The following EYS variants were observed in gnomAD, a reference collection of about 807,000 sequenced individuals.
The protein encoded by EYS is protein eyes shut homolog.
Under a neutral mutation model 282.1 loss-of-function variants are expected in EYS, and 250 were observed. The ratio of observed to expected loss-of-function variants is 0.89; its 90% CI spans 0.80 to 0.98. EYS has a LOEUF of 0.98. Ranked by LOEUF, EYS falls within the 50% of genes least tolerant of loss-of-function variation. The pLI, the probability that EYS is intolerant of heterozygous loss-of-function variation, is 0.00. For missense variants in EYS, 4,016 were observed against 3,709.0 expected (o/e 1.08, Z -2.15); for synonymous variants, 1,355 against 1,282.9 (o/e 1.06, Z -1.20).
At chr6:65,538,502 T>A (rs1027782141) in intron 2 of EYS, among the ~76,000 whole-genome samples, 1 of 152,112 alleles carries the variant, frequency 6.6e-6, no homozygotes, top group African/African-American at 2.4e-5. Flanking sequence ...CCCTTAAAAA[T>A]TGCTATTTGT....
At chr6:65,251,048 A>C (rs1038251810) in intron 12 of EYS, among the ~76,000 whole-genome samples, 2 of 151,122 alleles carry the variant, frequency 1.3e-5, no homozygotes, top group African/African-American at 2.4e-5. Flanking sequence ...AGAAAAAAAA[A>C]AAAAAAACAG....
intron 31 of EYS, among the ~76,000 whole-genome samples, chr6:64,139,377 G>C (rs1774264471): frequency 6.6e-6 from 1 of 152,104 alleles, no homozygotes; most frequent in African/African-American, 2.4e-5. Context: ...TCTAGTGGCA[G>C]CAAGGGCTTT....
At chr6:64,066,581 C>G in intron 32 of EYS, 90 bp from the exon 33 acceptor site, 1 of 916,070 alleles carries the variant, frequency 1.1e-6, no homozygotes, top group East Asian at 2.7e-5. Context: ...CCATCAAAGA[C>G]TAATGATTTA....
At chr6:65,141,649 G>GTCTGTCTGTCTATGTATCTA (rs1216509536) in intron 12 of EYS, among the ~76,000 whole-genome samples, 2 of 131,326 alleles carry the variant, frequency 1.5e-5, no homozygotes, top group African/African-American at 6.5e-5. Context: ...CTGTCTGTCT[G>GTCTGTCTGTCTATGTATCTA]TCTATCTATC....
intron 2 of EYS, among the ~76,000 whole-genome samples, chr6:65,502,078 A>G (rs563832723): frequency 7.9e-5 from 12 of 151,900 alleles, no homozygotes; most frequent in Admixed American, 5.9e-4. Context: ...AGCTTTCATG[A>G]AAAAAGGTTC....
At position 64,762,255 on chromosome 6, in the gene EYS, T is replaced by C. The variant is rs115936312; in HGVS notation, c.3443+51123A>G. Among the ~76,000 whole-genome samples the C allele has an allele frequency of 3.8e-3, 584 of 152,312 alleles. 6 individuals carry two copies. The highest frequency in any genetic ancestry group is 0.013 in the African/African-American group (558 of 41,556). On this transcript the variant is annotated intron_variant, in intron 22 of 42. Transcript: ENST00000503581. ...TTGTCATTTGTAATGGTTGTCATGA[T>C]TGACTGCTGAAAAAAAGTAATGAAC... is the stretch of plus-strand genomic sequence containing the variant.
rs1765359625 is a variant in EYS, at chr6:65,180,791, A to G, written c.2023+115072T>C. Among the ~76,000 whole-genome samples the G allele has an allele frequency of 2.6e-5, 4 of 152,274 alleles. No homozygotes were observed. In the South Asian group the frequency reaches 8.3e-4, roughly 32 times the overall value. ...AGAACAAAGCTGGAGGCATCACCCT[A>G]CCTGACTTCAAACTATACTACAAGG... On this transcript the variant is annotated intron_variant, in intron 12 of 42. Coordinates refer to ENST00000503581, the MANE Select transcript of EYS (RefSeq NM_001142800.2).
chr6:65,550,274 C>T lies in EYS; in HGVS notation c.-332-54281G>A, dbSNP rs1304982792. On this transcript the variant is annotated intron_variant, in intron 2 of 42. Transcript: ENST00000503581. ...GCAACATATCTTTGAACAGCTTAGA[C>T]TGGTCAGATATCTGCAAGATTGCTT... Among the ~76,000 whole-genome samples, 2 of 33,160 alleles carry T rather than the reference C, an allele frequency of 6.0e-5. 1 individual carries two copies. The highest frequency in any genetic ancestry group is 8.8e-5 in the Non-Finnish European group (2 of 22,726). 21.8% of individuals were successfully genotyped at this position (33,160 alleles called of 152,430 possible). A position where few individuals can be genotyped will look rare whatever the true frequency, so the allele number is the denominator to read the frequency against.
At chr6:64,724,013 A>G (rs964164338) in intron 22 of EYS, among the ~76,000 whole-genome samples, 2 of 152,010 alleles carry the variant, frequency 1.3e-5, no homozygotes, top group African/African-American at 2.4e-5. Context: ...TAACACATCA[A>G]TCACAGAGGA....
At chr6:64,394,942 A>G (rs1364261120) in intron 28 of EYS, among the ~76,000 whole-genome samples, 1 of 152,174 alleles carries the variant, frequency 6.6e-6, no homozygotes, top group African/African-American at 2.4e-5. Context: ...CAAGAAAAAA[A>G]CAAACAACCC....
At chr6:63,961,043 A>G (rs1398486462) in intron 35 of EYS, among the ~76,000 whole-genome samples, 2 of 152,220 alleles carry the variant, frequency 1.3e-5, no homozygotes, top group Non-Finnish European at 2.9e-5. Flanking sequence ...ATTATCTCTT[A>G]GTCTGCTCCT....
intron 2 of EYS, among the ~76,000 whole-genome samples, chr6:65,532,380 G>A (rs1018456788): frequency 2.6e-5 from 4 of 151,898 alleles, no homozygotes; most frequent in Admixed American, 6.6e-5. Context: ...TCCATATTAT[G>A]GTACATGATG....
At chr6:65,034,498 T>G (rs1041998339) in intron 13 of EYS, among the ~76,000 whole-genome samples, 4 of 152,090 alleles carry the variant, frequency 2.6e-5, no homozygotes, top group Non-Finnish European at 5.9e-5. Context: ...TGGCTTGTTT[T>G]GTCTTTACTA....
rs1030406480 is a variant in EYS at position 64,751,342 on chromosome 6, G to A, written c.3443+62036C>T. ...GGCATTTGAAGCAACTATACTTCCC[G>A]GTTAGGAGTCCACGTCACCCCTTTC... On this transcript the variant is annotated intron_variant, in intron 22 of 42. Coordinates refer to ENST00000503581, the MANE Select transcript of EYS (RefSeq NM_001142800.2). 3.9e-5 allele frequency among the ~76,000 whole-genome samples: 6 copies of A among 152,130 alleles called. No individual in the cohort carries two copies. In the East Asian group the frequency reaches 5.8e-4, roughly 15 times the overall value.
In EYS at chr6:63,920,961, C is replaced by T. The variant is rs186264625; in HGVS notation, c.7056-56603G>A. On this transcript the variant is annotated intron_variant, in intron 35 of 42. Transcript: ENST00000503581. Reference sequence around the variant, plus strand: ...AGGCTGGAGTGCAGTGGCGCGATCTCGGCTCACTGCAAGTTCCGCCTCCCG... The same window carrying T: ...AGGCTGGAGTGCAGTGGCGCGATCTTGGCTCACTGCAAGTTCCGCCTCCCG... 1.4e-4 allele frequency among the ~76,000 whole-genome samples: 22 copies of T among 151,882 alleles called. No individual in the cohort carries two copies. The East Asian group carries it at 3.7e-3, about 26-fold the overall frequency.
At chr6:63,849,843 A>T (rs559349637) in intron 36 of EYS, among the ~76,000 whole-genome samples, 10 of 152,194 alleles carry the variant, frequency 6.6e-5, no homozygotes, top group Non-Finnish European at 1.3e-4. Context: ...AATGGACAGG[A>T]GTAGGCTTTA....
chr6:65,260,010 C>T (rs1221255146), intron 12 of EYS, among the ~76,000 whole-genome samples: 3 of 151,904 alleles, frequency 2.0e-5, no homozygotes, highest in South Asian at 2.1e-4. Context: ...GGCCTGAGAC[C>T]GGGTAATTTG....
chr6:64,435,077 C>T (rs966024812), intron 28 of EYS, among the ~76,000 whole-genome samples: 1 of 151,888 alleles, frequency 6.6e-6, no homozygotes. Context: ...CTGCCCCCAG[C>T]ATTTGTTATT....
At position 65,020,955 on chromosome 6, in the gene EYS, T is replaced by C. The variant is rs150736235; in HGVS notation, c.2138-23252A>G. Among the ~76,000 whole-genome samples the C allele has an allele frequency of 6.1e-3, 928 of 152,254 alleles. 5 individuals carry two copies. Among genetic ancestry groups the C allele is most frequent in the Non-Finnish European group, 0.011 (732 of 68,016 alleles). On this transcript the variant is annotated intron_variant, in intron 13 of 42. Transcript: ENST00000503581. Reference sequence around the variant, plus strand: ...TTAGCTATGGCTGGAGCAGCTGGGATGCAGGGCACCAAGTCCCAAGGCTGC... The same window carrying C: ...TTAGCTATGGCTGGAGCAGCTGGGACGCAGGGCACCAAGTCCCAAGGCTGC...
Sources: allele counts gnomAD v4.1 joint callset (sites outside exome capture counted in the v4.1 genomes callset), GRCh38; gene constraint gnomAD v4.1.1; transcripts MANE v1.5; gene names NCBI Gene and HGNC (gene_info 2026-07-23, HGNC 2026-07-21).